MICAL2: variants seen among roughly 807,000 people sequenced by gnomAD.
MICAL2 encodes microtubule associated monooxygenase, calponin and LIM domain containing 2, also known as [F-actin]-monooxygenase MICAL2.
A neutral mutation model predicts 127.3 loss-of-function variants in MICAL2; 77 were observed. That is an observed-to-expected ratio of 0.60 (90% confidence interval 0.50 to 0.73). MICAL2 has a LOEUF of 0.73. MICAL2 is among the 30% of genes least tolerant of loss of function. The pLI, the probability that MICAL2 is intolerant of heterozygous loss-of-function variation, is 0.00. For missense variants in MICAL2, 1,351 were observed against 1,434.4 expected (o/e 0.94, Z 0.94); for synonymous variants, 570 against 551.1 (o/e 1.03, Z -0.48).
intron 34 of MICAL2, chr11:12,354,873 C>T: frequency 6.2e-7 from 1 of 1,611,404 alleles, no homozygotes; most frequent in Non-Finnish European, 8.5e-7. Flanking sequence ...TATGCTTGGG[C>T]CTTTGTTGAG....
intron 29 of MICAL2, among the ~76,000 whole-genome samples, chr11:12,300,722 C>T (rs1427626799): frequency 6.6e-6 from 1 of 152,140 alleles, no homozygotes; most frequent in Non-Finnish European, 1.5e-5. Flanking sequence ...ATAGATGAGA[C>T]CTGCAGCCCA....
At chr11:12,278,537 A>G (rs1469943278) in intron 1 of MICAL2, among the ~76,000 whole-genome samples, 1 of 152,242 alleles carries the variant, frequency 6.6e-6, no homozygotes, top group Admixed American at 6.5e-5. Context: ...CATCATTATG[A>G]AAGACATGAC....
chr11:12,231,672 C>G (rs1858292253), intron 15 of MICAL2, among the ~76,000 whole-genome samples: 1 of 152,218 alleles, frequency 6.6e-6, no homozygotes, highest in South Asian at 2.1e-4. Context: ...TCTCACCTCA[C>G]TTCCCCAACT....
intron 22 of MICAL2, among the ~76,000 whole-genome samples, chr11:12,250,592 T>C (rs1186422274): frequency 6.6e-6 from 1 of 152,226 alleles, no homozygotes. Flanking sequence ...AATGTTCTAA[T>C]TAATTTGCTG....
intron 1 of MICAL2, among the ~76,000 whole-genome samples, chr11:12,137,131 G>A (rs1183802057): frequency 6.6e-6 from 1 of 152,254 alleles, no homozygotes; most frequent in Non-Finnish European, 1.5e-5. Flanking sequence ...CAGGCTGATA[G>A]AATGTGGCCC....
chr11:12,179,164 T>G (rs1442440825), intron 3 of MICAL2, among the ~76,000 whole-genome samples: 1 of 152,192 alleles, frequency 6.6e-6, no homozygotes, highest in Non-Finnish European at 1.5e-5. Context: ...GTGACCTGTC[T>G]GATCAGCCCA....
intron 12 of MICAL2, 97 bp downstream of exon 12, chr11:12,223,598 G>T: frequency 9.7e-7 from 1 of 1,030,638 alleles, no homozygotes; most frequent in Non-Finnish European, 1.5e-6. Context: ...ACTGCAACCA[G>T]CCTGGCTCTG....
chr11:12,227,163 C>G (rs767524924), intron 15 of MICAL2, 32 bp downstream of exon 15: 1 of 1,455,118 alleles, frequency 6.9e-7, no homozygotes, highest in Non-Finnish European at 9.6e-7. Flanking sequence ...GTTTTATTTC[C>G]CATTGCACAT....
intron 2 of MICAL2, chr11:12,161,306 C>T (rs1447458980): frequency 6.6e-6 from 1 of 152,218 alleles, no homozygotes; most frequent in East Asian, 1.9e-4. Flanking sequence ...AATGAGCACC[C>T]ATCGCATTTT....
At chr11:12,179,641 C>A (rs1297677851) in intron 3 of MICAL2, among the ~76,000 whole-genome samples, 6 of 152,176 alleles carry the variant, frequency 3.9e-5, no homozygotes, top group Non-Finnish European at 5.9e-5. Flanking sequence ...CCTTTGCAAT[C>A]GTGTTCAGCA....
intron 32 of MICAL2, among the ~76,000 whole-genome samples, chr11:12,344,587 G>A (rs940249861): frequency 2.8e-4 from 41 of 148,908 alleles, no homozygotes; most frequent in Admixed American, 2.3e-3. Context: ...TGCAACCTCC[G>A]CCTCCCAGGT....
upstream of MICAL2, among the ~76,000 whole-genome samples, chr11:12,275,109 G>T (rs1271776422): frequency 6.6e-6 from 1 of 152,196 alleles, no homozygotes; most frequent in African/African-American, 2.4e-5. Flanking sequence ...GACAAGAGCA[G>T]TCAAAGATGC....
intron 3 of MICAL2, among the ~76,000 whole-genome samples, chr11:12,172,681 G>A (rs4471395): frequency 0.14 from 20,643 of 151,884 alleles, 2,106 homozygotes; most frequent in East Asian, 0.45. Flanking sequence ...TGTATTGGGT[G>A]AAAAGGAAGA....
chr11:12,360,552 A>G (rs1436874046), downstream of MICAL2, among the ~76,000 whole-genome samples: 1 of 152,246 alleles, frequency 6.6e-6, no homozygotes, highest in African/African-American at 2.4e-5. Context: ...GTTGCATAAA[A>G]GTGCATCCTT....
At chr11:12,179,145 C>T (rs1486178371) in intron 3 of MICAL2, among the ~76,000 whole-genome samples, 2 of 152,176 alleles carry the variant, frequency 1.3e-5, no homozygotes, top group African/African-American at 4.8e-5. Context: ...CCAGCTCCAG[C>T]CTGGCCCAGT....
chr11:12,358,332 A>G, exon 35 of MICAL2: 1 of 1,614,190 alleles, frequency 6.2e-7, no homozygotes, highest in East Asian at 2.2e-5. Flanking sequence ...ACGAAGAGCA[A>G]GAAGTATTCA....
intron 8 of MICAL2, among the ~76,000 whole-genome samples, chr11:12,216,973 T>C (rs1394357467): frequency 2.0e-5 from 3 of 152,230 alleles, no homozygotes; most frequent in Non-Finnish European, 4.4e-5. Context: ...CTTCTCAGCC[T>C]TGTTTGCACA....
At chr11:12,229,595 G>C (rs1239349928) in intron 15 of MICAL2, among the ~76,000 whole-genome samples, 2 of 152,236 alleles carry the variant, frequency 1.3e-5, no homozygotes, top group Admixed American at 1.3e-4. Flanking sequence ...GAACTGGAGA[G>C]GGATGTTTCC....
intron 3 of MICAL2, among the ~76,000 whole-genome samples, chr11:12,202,679 A>G (rs1854164477): frequency 6.6e-6 from 1 of 152,188 alleles, no homozygotes; most frequent in Admixed American, 6.5e-5. Flanking sequence ...TAGGTATTTT[A>G]CCCCTAGCCT....
Sources: allele counts gnomAD v4.1 joint callset (sites outside exome capture counted in the v4.1 genomes callset), GRCh38; gene constraint gnomAD v4.1.1; transcripts MANE v1.5; gene names NCBI Gene and HGNC (gene_info 2026-07-23, HGNC 2026-07-21).